ELP4: variants seen among roughly 807,000 people sequenced by gnomAD.
ELP4 encodes elongator acetyltransferase complex subunit 4.
In ELP4, 51 loss-of-function variants were observed where a neutral mutation model predicts 48.9. The ratio of observed to expected loss-of-function variants is 1.04; its 90% confidence interval spans 0.83 to 1.32. The LOEUF (loss-of-function observed/expected upper bound fraction) is 1.32, where lower values mean the gene tolerates loss of function less well. ELP4 is among the 40% of genes most tolerant of loss of function. The pLI, the probability that ELP4 is intolerant of heterozygous loss-of-function variation, is 0.00. For missense variants in ELP4, 519 were observed against 514.6 expected, an observed-to-expected ratio of 1.01 and a Z score of -0.08; for synonymous variants, 210 against 189.2, an observed-to-expected ratio of 1.11 and a Z score of -0.90.
At chr11:31,679,856 A>G (rs1024530934) in intron 9 of ELP4, among the ~76,000 whole-genome samples, 9 of 152,172 alleles carry the variant, frequency 5.9e-5, no homozygotes, top group Admixed American at 1.3e-4. Context: ...CGTTGAATTT[A>G]TAGATCAAGT....
intron 1 of ELP4, chr11:31,511,902 C>G (rs942153854): frequency 5.3e-5 from 8 of 152,162 alleles, no homozygotes; most frequent in African/African-American, 1.9e-4. Context: ...CTAAAAATTA[C>G]TGTTCATTAA....
intron 9 of ELP4, among the ~76,000 whole-genome samples, chr11:31,749,754 A>G (rs908714859): frequency 2.0e-5 from 3 of 152,216 alleles, no homozygotes; most frequent in African/African-American, 7.2e-5. Context: ...TCCTGTAACT[A>G]GAAAATAAAA....
At chr11:31,539,273 G>T (rs139410911) in intron 2 of ELP4, among the ~76,000 whole-genome samples, 3,020 of 152,270 alleles carry the variant, frequency 0.02, 95 homozygotes, top group African/African-American at 0.068. Flanking sequence ...GACCATCCTG[G>T]CTAACACAGT....
In ELP4 at chr11:31,732,483, AT is replaced by A. The variant is rs1462449502; in HGVS notation, c.1144-50909del. 6.0e-3 allele frequency among the ~76,000 whole-genome samples: 916 copies of A among 151,624 alleles called. 14 individuals carry two copies. Among genetic ancestry groups the A allele is most frequent in the African/African-American group, 0.021 (849 of 41,328 alleles). The stretch of plus-strand genomic sequence containing the variant: ...AAGCATGTCACTAAAAAAAAAAAAA[AT>A]AAATGAAAACAGAAAGGAAAACTGC... On this transcript the variant is annotated intron_variant, in intron 9 of 9. Coordinates refer to ENST00000640961, the MANE Select transcript of ELP4 (RefSeq NM_019040.5).
intron 2 of ELP4, among the ~76,000 whole-genome samples, chr11:31,530,335 T>C (rs1240759417): frequency 6.6e-6 from 1 of 152,174 alleles, no homozygotes; most frequent in Non-Finnish European, 1.5e-5. Context: ...CATAAAATCA[T>C]TTCATATGTA....
chr11:31,710,797 T>C (rs926117359), intron 9 of ELP4, among the ~76,000 whole-genome samples: 1 of 152,082 alleles, frequency 6.6e-6, no homozygotes, highest in African/African-American at 2.4e-5. Flanking sequence ...AGTATTACAA[T>C]CCATATCTTT....
chr11:31,646,838 G>A (rs1945209597), intron 7 of ELP4: 1 of 150,228 alleles, frequency 6.7e-6, no homozygotes, highest in South Asian at 2.1e-4. Context: ...CCCTGTCAGG[G>A]GCTAAAAGGA....
At chr11:31,618,383 C>T (rs1309790892) in intron 5 of ELP4, among the ~76,000 whole-genome samples, 2 of 152,070 alleles carry the variant, frequency 1.3e-5, no homozygotes, top group South Asian at 2.1e-4. Flanking sequence ...ACTTCCAACA[C>T]GGTAGTTTGA....
intron 8 of ELP4, 64 bp downstream of exon 8, chr11:31,647,913 C>T: frequency 1.2e-6 from 1 of 855,590 alleles, no homozygotes. Flanking sequence ...CTGGAAGCAT[C>T]CTATTCAATC....
chr11:31,700,742 C>G (rs1460875702), intron 9 of ELP4, among the ~76,000 whole-genome samples: 1 of 152,006 alleles, frequency 6.6e-6, no homozygotes, highest in African/African-American at 2.4e-5. Flanking sequence ...AAAAATTTCC[C>G]TTAGAGCTGC....
At chr11:31,710,584 C>T (rs1565122665) in intron 9 of ELP4, among the ~76,000 whole-genome samples, 1 of 150,262 alleles carries the variant, frequency 6.7e-6, no homozygotes, top group African/African-American at 2.5e-5. Flanking sequence ...CAGATCGTGC[C>T]ACTGCACTCT....
chr11:31,542,016 GACCAAGA>G (rs1956599814), intron 3 of ELP4, among the ~76,000 whole-genome samples: 1 of 152,144 alleles, frequency 6.6e-6, no homozygotes. Context: ...GCACATGTCT[GACCAAGA>G]TAGATTAACA....
chr11:31,519,111 G>A (rs778735992), intron 1 of ELP4, among the ~76,000 whole-genome samples: 19 of 152,016 alleles, frequency 1.2e-4, no homozygotes, highest in Non-Finnish European at 2.1e-4. Flanking sequence ...CACTGTGCCC[G>A]GCCTAATTCA....
intron 9 of ELP4, chr11:31,779,833 G>A (rs990702835): frequency 6.6e-6 from 1 of 152,154 alleles, no homozygotes; most frequent in Non-Finnish European, 1.5e-5. Context: ...AGGCATTAAT[G>A]GAAAAAGTAG....
At chr11:31,629,105 A>C (rs1377642629) in intron 6 of ELP4, among the ~76,000 whole-genome samples, 1 of 152,068 alleles carries the variant, frequency 6.6e-6, no homozygotes, top group Non-Finnish European at 1.5e-5. Context: ...AGTGTAGCTC[A>C]TCTGTAAAAA....
intron 9 of ELP4, among the ~76,000 whole-genome samples, chr11:31,701,794 A>G (rs1337813860): frequency 1.3e-5 from 2 of 151,272 alleles, no homozygotes; most frequent in African/African-American, 4.8e-5. Flanking sequence ...ACCTAATATA[A>G]TAAGAGGTAG....
At chr11:31,761,383 A>G (rs1198329717) in intron 9 of ELP4, among the ~76,000 whole-genome samples, 3 of 152,048 alleles carry the variant, frequency 2.0e-5, no homozygotes, top group Non-Finnish European at 4.4e-5. Context: ...GTGATAAAAC[A>G]ATTACTCATT....
At chr11:31,528,203 A>G (rs926312520) in intron 2 of ELP4, among the ~76,000 whole-genome samples, 22 of 152,250 alleles carry the variant, frequency 1.4e-4, no homozygotes, top group African/African-American at 5.1e-4. Flanking sequence ...GATCGTGATT[A>G]CTTATTTAAT....
intron 9 of ELP4, chr11:31,663,723 A>G (rs1382006343): frequency 1.3e-5 from 2 of 151,972 alleles, no homozygotes; most frequent in Non-Finnish European, 2.9e-5. Flanking sequence ...ACAAGTAAAC[A>G]AGATCTTACT....
Sources: gnomAD v4.1 joint callset for allele counts (sites outside exome capture counted in the v4.1 genomes callset) on GRCh38, gnomAD v4.1.1 for gene constraint, MANE v1.5 for transcripts, NCBI Gene and HGNC (gene_info 2026-07-23, HGNC 2026-07-21) for gene names.